Variants in AMDHD1 observed in about 807,000 individuals in gnomAD.
The protein encoded by AMDHD1 is amidohydrolase domain containing 1, also known as probable imidazolonepropionase.
Under a neutral mutation model 44.1 loss-of-function variants are expected in AMDHD1, and 45 were observed. The observed-to-expected ratio is 1.02, with a 90% CI of 0.80 to 1.31. AMDHD1 has a LOEUF of 1.31. Ranked by LOEUF, AMDHD1 falls within the 50% of genes most tolerant of loss-of-function variation. AMDHD1 has a pLI of 0.00. For synonymous variants in AMDHD1, 206 were observed against 205.0 expected (o/e 1.00, Z -0.04); for missense variants, 586 against 552.1 (o/e 1.06, Z -0.61).
chr12:95,956,962 A>G lies in AMDHD1; in HGVS notation c.587A>G (p.Lys196Arg). Residue 196 changes from lysine to arginine, a missense_variant and splice_region_variant, in exon 4 of 9, where the codon AAA becomes AGA. Coordinates refer to ENST00000266736, the MANE Select transcript of AMDHD1 (RefSeq NM_152435.3). ...TACTGCGGGGCTCATTCAGTGCCTA[A>G]GTAATCTCAGCCAGTGGGGGCCCGG... ...ATYCGAHSVP[K>R]GKTATEAADD... 1 of 1,611,876 alleles carries G rather than the reference A, an allele frequency of 6.2e-7. No homozygotes were observed. Among genetic ancestry groups the G allele is most frequent in the Non-Finnish European group, 8.5e-7 (1 of 1,179,710 alleles).
At chr12:95,948,359 T>TG (rs1209702709) in intron 1 of AMDHD1, among the ~76,000 whole-genome samples, 837 of 31,408 alleles carry the variant, frequency 0.027, 144 homozygotes, top group Non-Finnish European at 0.033. Flanking sequence ...GGGAGGGAGG[T>TG]GGGGGGGGGT....
At chr12:95,949,175 A>AC (rs2080515675) in intron 1 of AMDHD1, among the ~76,000 whole-genome samples, 1 of 149,920 alleles carries the variant, frequency 6.7e-6, no homozygotes, top group Non-Finnish European at 1.5e-5. Context: ...AAAAAAAAAA[A>AC]AAAGAGACTG....
chr12:95,965,688 T>C lies in AMDHD1; in HGVS notation c.941T>C (p.Leu314Pro). 2 of 1,611,708 alleles carry C rather than the reference T, an allele frequency of 1.2e-6. No homozygotes were observed. Among genetic ancestry groups the C allele is most frequent in the Non-Finnish European group, 1.7e-6 (2 of 1,179,240 alleles). The change falls in exon 7 of 9, where the codon CTG becomes CCG. Residue 314 changes from leucine to proline, a missense_variant and splice_region_variant. Coordinates refer to ENST00000266736, the MANE Select transcript of AMDHD1 (RefSeq NM_152435.3). Reference protein sequence around the residue: ...LLPTTAYMLRLKQPRARKMLD... With the variant: ...LLPTTAYMLRPKQPRARKMLD... ...ACATATTTTTTTCCTCCCCTTAGAC[T>C]GAAACAACCTCGAGCCAGGAAGATG... is the stretch of plus-strand genomic sequence containing the variant.
intron 2 of AMDHD1, among the ~76,000 whole-genome samples, chr12:95,954,295 A>T (rs2136763250): frequency 6.6e-6 from 1 of 152,186 alleles, no homozygotes; most frequent in South Asian, 2.1e-4. Context: ...TTGGGCCAGG[A>T]GTAGTGGCTG....
intron 1 of AMDHD1, among the ~76,000 whole-genome samples, chr12:95,944,611 C>A (rs1484677200): frequency 6.6e-6 from 1 of 151,956 alleles, no homozygotes; most frequent in Non-Finnish European, 1.5e-5. Flanking sequence ...GAGACAATGT[C>A]TCACTGTGTT....
At position 95,952,746 on chromosome 12, in the gene AMDHD1, C is replaced by A. The variant is rs1456108211; in HGVS notation, c.167C>A (p.Ala56Asp). ...GGATTTATAAAAGCTATTGGTCCTG[C>A]TGATGTTATTCAAAGACAGTTTTCT... Reference protein sequence around the residue: ...KDGFIKAIGPADVIQRQFSGE... With the variant: ...KDGFIKAIGPDDVIQRQFSGE... Residue 56 changes from alanine (A) to aspartate (D), a missense_variant, in exon 2 of 9, where the codon GCT becomes GAT. Ala to Asp is a moderately radical substitution (Grantham distance 126). Transcript: ENST00000266736. 6.8e-6 allele frequency: 11 copies of A among 1,612,226 alleles called. No individual in the cohort carries two copies. The highest frequency in any genetic ancestry group is 9.3e-6 in the Non-Finnish European group (11 of 1,178,566).
At chr12:95,944,562 G>T (rs990306765) in intron 1 of AMDHD1, among the ~76,000 whole-genome samples, 2 of 151,726 alleles carry the variant, frequency 1.3e-5, no homozygotes, top group Non-Finnish European at 2.9e-5. Flanking sequence ...GACTACAGGT[G>T]CACGCCACCA....
At chr12:95,953,749 T>A (rs1213059157) in intron 2 of AMDHD1, among the ~76,000 whole-genome samples, 1 of 152,068 alleles carries the variant, frequency 6.6e-6, no homozygotes, top group African/African-American at 2.4e-5. Context: ...CCTGGCTAAT[T>A]TTTGTATTTT....
In AMDHD1 at chr12:95,952,587, G is replaced by T. The variant is rs2080529942; in HGVS notation, c.138-130G>T. On this transcript the variant is annotated intron_variant, in intron 1 of 8. Transcript: ENST00000266736. ...GCTAGAGACGCTTTTCCAGACTCAG[G>T]TTCAAGATAGAAGCACAGTAAATGT... The T allele has an allele frequency of 2.4e-5, 15 of 622,052 alleles. No homozygotes were observed. In the East Asian group the frequency reaches 3.5e-4, roughly 14 times the overall value. The allele number at this position is 622,052 out of a possible 1,614,324, so 38.5% of individuals were successfully genotyped here.
intron 4 of AMDHD1, among the ~76,000 whole-genome samples, chr12:95,958,228 T>C (rs916289648): frequency 3.9e-5 from 6 of 152,092 alleles, no homozygotes; most frequent in African/African-American, 1.4e-4. Flanking sequence ...TTTTTAACAA[T>C]TTTTAGGAAA....
intron 3 of AMDHD1, among the ~76,000 whole-genome samples, chr12:95,956,398 G>A (rs993648887): frequency 6.6e-6 from 1 of 152,092 alleles, no homozygotes; most frequent in South Asian, 2.1e-4. Flanking sequence ...GTGAGCCACC[G>A]CGCCAGGCCT....
intron 2 of AMDHD1, among the ~76,000 whole-genome samples, chr12:95,953,935 A>G (rs2080537164): frequency 6.6e-6 from 1 of 152,146 alleles, no homozygotes; most frequent in African/African-American, 2.4e-5. Flanking sequence ...TGTTATGAAA[A>G]AGAGGAATAT....
At chr12:95,965,459 A>G (rs893946636) in intron 6 of AMDHD1, among the ~76,000 whole-genome samples, 1 of 152,244 alleles carries the variant, frequency 6.6e-6, no homozygotes, top group African/African-American at 2.4e-5. Context: ...ATAAACAATC[A>G]TTAATTAAAT....
intron 6 of AMDHD1, among the ~76,000 whole-genome samples, chr12:95,964,634 G>A (rs1346632716): frequency 3.3e-5 from 5 of 151,896 alleles, no homozygotes; most frequent in African/African-American, 1.2e-4. Flanking sequence ...ATTTTAAGTG[G>A]TCCTACAAAT....
intron 4 of AMDHD1, among the ~76,000 whole-genome samples, chr12:95,959,003 C>T (rs1363035865): frequency 2.6e-5 from 4 of 151,372 alleles, no homozygotes; most frequent in African/African-American, 4.9e-5. Flanking sequence ...TGCGGTGAGC[C>T]GAGATCATGC....
At position 95,968,680 on chromosome 12, in the gene AMDHD1, T is replaced by C. The variant is rs1286551274; in HGVS notation, c.*837T>C. 6.6e-6 allele frequency: 1 copy of C among 152,142 alleles called. No homozygotes were observed. Among genetic ancestry groups the C allele is most frequent in the Non-Finnish European group, 1.5e-5 (1 of 68,028 alleles). The allele number at this position is 152,142 out of a possible 1,614,324, so 9.4% of individuals were successfully genotyped here. On this transcript the variant is annotated 3_prime_UTR_variant, in exon 9 of 9. Coordinates refer to ENST00000266736, the MANE Select transcript of AMDHD1 (RefSeq NM_152435.3). Reference sequence around the variant, plus strand: ...AAATTACAAAATTATTTGTAAAGAGTCGATAATTATTTACATATAAATGGG... The same window carrying C: ...AAATTACAAAATTATTTGTAAAGAGCCGATAATTATTTACATATAAATGGG...
intron 1 of AMDHD1, among the ~76,000 whole-genome samples, chr12:95,946,081 G>GTGTC (rs71091223): frequency 1.3e-5 from 2 of 151,864 alleles, no homozygotes; most frequent in African/African-American, 4.8e-5. Flanking sequence ...GTGTGTGTGT[G>GTGTC]TGTGTGTGTG....
At chr12:95,958,181 C>T (rs1367227126) in intron 4 of AMDHD1, among the ~76,000 whole-genome samples, 1 of 151,940 alleles carries the variant, frequency 6.6e-6, no homozygotes, top group African/African-American at 2.4e-5. Context: ...ACTTTACATA[C>T]TTATCACTTT....
At chr12:95,945,443 T>C (rs1220971000) in intron 1 of AMDHD1, among the ~76,000 whole-genome samples, 1 of 152,252 alleles carries the variant, frequency 6.6e-6, no homozygotes, top group Non-Finnish European at 1.5e-5. Context: ...CTGTCTTATA[T>C]ATTAGGTTGG....
Sources: allele counts gnomAD v4.1 joint callset (sites outside exome capture counted in the v4.1 genomes callset), GRCh38; gene constraint gnomAD v4.1.1; transcripts MANE v1.5; gene names NCBI Gene and HGNC (gene_info 2026-07-23, HGNC 2026-07-21).